Variants in PTPN11 observed in about 807,000 individuals in gnomAD.
PTPN11 encodes the protein tyrosine-protein phosphatase non-receptor type 11.
PTPN11 carries 6 observed loss-of-function variants against 78.8 expected under a neutral mutation model. The ratio of observed to expected loss-of-function variants is 0.08; its 90% CI spans 0.04 to 0.15. The LOEUF (loss-of-function observed/expected upper bound fraction) is 0.15, where lower values mean the gene tolerates loss of function less well. Ranked by LOEUF, PTPN11 falls within the 10% of genes least tolerant of loss-of-function variation. The pLI, the probability that PTPN11 is intolerant of heterozygous loss-of-function variation, is 1.00. For missense variants in PTPN11, 386 were observed against 744.8 expected (o/e 0.52, Z 5.61); for synonymous variants, 221 against 263.5 (o/e 0.84, Z 1.56).
intron 6 of PTPN11, among the ~76,000 whole-genome samples, chr12:112,465,160 G>C (rs2038306742): frequency 6.6e-6 from 1 of 152,106 alleles, no homozygotes; most frequent in Non-Finnish European, 1.5e-5. Context: ...GGCCGGGCGT[G>C]GTGGCTCACA....
Position 112,489,191 on chromosome 12 carries a change from CTGGCA to C in PTPN11, c.1599+19_1599+23del. ...AGAAGAGCAGGTACCAGCCTGAGGG[CTGGCA>C]TGCGGATTCTCATTCTCTTGCTAGG... On this transcript the variant is annotated intron_variant, in intron 13 of 15. Transcript: ENST00000351677. 1 of 1,614,048 alleles carries C rather than the reference CTGGCA, an allele frequency of 6.2e-7. No individual in the cohort carries two copies. The highest frequency in any genetic ancestry group is 1.1e-5 in the South Asian group (1 of 91,080).
intron 1 of PTPN11, among the ~76,000 whole-genome samples, chr12:112,437,696 A>AGC (rs1410585852): frequency 1.1e-4 from 17 of 152,132 alleles, no homozygotes; most frequent in Non-Finnish European, 2.2e-4. Context: ...TTTAGTACTC[A>AGC]GGAATGATTT....
At chr12:112,503,160 G>A (rs761585197) in intron 14 of PTPN11, among the ~76,000 whole-genome samples, 2 of 152,164 alleles carry the variant, frequency 1.3e-5, no homozygotes, top group East Asian at 1.9e-4. Context: ...AACAAAGCCC[G>A]AAGAATAATA....
intron 2 of PTPN11, among the ~76,000 whole-genome samples, chr12:112,448,831 G>A (rs951108318): frequency 2.0e-5 from 3 of 152,082 alleles, no homozygotes; most frequent in Admixed American, 6.6e-5. Flanking sequence ...ACACTACCTC[G>A]TATTGGAAAC....
intron 13 of PTPN11, among the ~76,000 whole-genome samples, chr12:112,497,265 C>T (rs904783046): frequency 9.2e-5 from 14 of 151,738 alleles, no homozygotes; most frequent in African/African-American, 3.4e-4. Context: ...CAACAGTAAA[C>T]GAGCAAGATT....
At chr12:112,491,181 T>C (rs1486306779) in intron 13 of PTPN11, among the ~76,000 whole-genome samples, 1 of 151,988 alleles carries the variant, frequency 6.6e-6, no homozygotes, top group Non-Finnish European at 1.5e-5. Context: ...CGAAGCAAGA[T>C]TGAGAAAATT....
At chr12:112,477,532 GT>G (rs199595513) in intron 7 of PTPN11, 118 bp from the exon 8 acceptor site, 41 of 778,794 alleles carry the variant, frequency 5.3e-5, no homozygotes, top group African/African-American at 1.6e-4. Flanking sequence ...ATTTTTATGT[GT>G]TTTTTTTTCA....
intron 6 of PTPN11, among the ~76,000 whole-genome samples, chr12:112,461,231 A>C (rs1255739949): frequency 6.6e-6 from 1 of 151,850 alleles, no homozygotes; most frequent in Non-Finnish European, 1.5e-5. Flanking sequence ...TGATATTGTA[A>C]TTTTATCATT....
intron 9 of PTPN11, among the ~76,000 whole-genome samples, chr12:112,479,731 T>G (rs949783702): frequency 2.0e-5 from 3 of 152,154 alleles, no homozygotes; most frequent in African/African-American, 4.8e-5. Context: ...TCAGAAGACA[T>G]GAGGATTGTG....
rs1314800422 is a variant in PTPN11, at chr12:112,507,621, T to G, written c.*1829T>G. The G allele has an allele frequency of 6.5e-6, 1 of 152,778 alleles. No homozygotes were observed. The highest frequency in any genetic ancestry group is 1.5e-5 in the Non-Finnish European group (1 of 68,040). The allele number at this position is 152,778 out of a possible 1,614,324, so 9.5% of individuals were successfully genotyped here. A position where few individuals can be genotyped will look rare whatever the true frequency, so the allele number is the denominator to read the frequency against. ...GCGGATATTTCAATGAAAATATCAT[T>G]GGTTGACTTTTGTGATGGTAATAAT... is the stretch of plus-strand genomic sequence containing the variant. On this transcript the variant is annotated 3_prime_UTR_variant, in exon 16 of 16. Coordinates refer to ENST00000351677, the MANE Select transcript of PTPN11 (RefSeq NM_002834.5).
intron 13 of PTPN11, among the ~76,000 whole-genome samples, chr12:112,500,706 C>G (rs545743416): frequency 2.0e-5 from 3 of 152,302 alleles, no homozygotes; most frequent in African/African-American, 7.2e-5. Context: ...ATTCTCATGC[C>G]TCAGCCTCCT....
chr12:112,494,703 G>A (rs1036497816), intron 13 of PTPN11, among the ~76,000 whole-genome samples: 1 of 152,194 alleles, frequency 6.6e-6, no homozygotes, highest in Admixed American at 6.5e-5. Context: ...TACTGGTACA[G>A]TGTTCTTTGA....
intron 1 of PTPN11, among the ~76,000 whole-genome samples, chr12:112,428,527 C>T (rs145534969): frequency 3.3e-5 from 5 of 149,430 alleles, no homozygotes; most frequent in African/African-American, 7.4e-5. Flanking sequence ...TTCTCAGGGT[C>T]GAATGAACTC....
chr12:112,503,477 A>C (rs2038901510), intron 14 of PTPN11, among the ~76,000 whole-genome samples: 2 of 152,196 alleles, frequency 1.3e-5, no homozygotes, highest in South Asian at 4.1e-4. Flanking sequence ...TTGTATTAAC[A>C]TTTGCTTTCT....
intron 1 of PTPN11, among the ~76,000 whole-genome samples, chr12:112,445,840 A>G (rs576587162): frequency 6.6e-6 from 1 of 151,906 alleles, no homozygotes; most frequent in East Asian, 1.9e-4. Flanking sequence ...GGGTTTCTCC[A>G]TGTTGGTCAG....
intron 1 of PTPN11, among the ~76,000 whole-genome samples, chr12:112,445,315 A>T (rs1434545593): frequency 6.6e-6 from 1 of 152,062 alleles, no homozygotes; most frequent in Admixed American, 6.6e-5. Context: ...TATTTTTAGT[A>T]GAGATGGGGT....
chr12:112,419,510 G>A (rs939235227), intron 1 of PTPN11, among the ~76,000 whole-genome samples: 6 of 152,184 alleles, frequency 3.9e-5, no homozygotes, highest in African/African-American at 1.4e-4. Context: ...ACTTGGGGAG[G>A]CTCCTTGGGA....
At chr12:112,467,225 G>A (rs895010664) in intron 6 of PTPN11, among the ~76,000 whole-genome samples, 1 of 152,156 alleles carries the variant, frequency 6.6e-6, no homozygotes, top group Non-Finnish European at 1.5e-5. Context: ...CATGGATCAG[G>A]ACATTGACTT....
chr12:112,446,235 T>C, intron 1 of PTPN11, 41 bp from the exon 2 acceptor site: 3 of 1,611,616 alleles, frequency 1.9e-6, no homozygotes, highest in South Asian at 1.1e-5. Context: ...GTGCTGACAG[T>C]GTCTTGTTTT....
Sources: allele counts gnomAD v4.1 joint callset (sites outside exome capture counted in the v4.1 genomes callset), GRCh38; gene constraint gnomAD v4.1.1; transcripts MANE v1.5; gene names NCBI Gene and HGNC (gene_info 2026-07-23, HGNC 2026-07-21).